Variants in LITAF observed in about 807,000 individuals in gnomAD.
LITAF encodes the protein lipopolysaccharide induced TNF factor.
Under a neutral mutation model 14.5 loss-of-function variants are expected in LITAF, and 9 were observed. The observed-to-expected ratio is 0.62, with a 90% CI of 0.37 to 1.08. The LOEUF (loss-of-function observed/expected upper bound fraction) is 1.08. Among genes scored for constraint, LITAF ranks in the 50% least tolerant of loss-of-function variants. The pLI is 0.01. For missense variants in LITAF, 206 were observed against 213.4 expected (o/e 0.97, Z 0.22); for synonymous variants, 98 against 88.2 (o/e 1.11, Z -0.62).
At chr16:11,582,685 A>G (rs2064756549) in intron 1 of LITAF, among the ~76,000 whole-genome samples, 1 of 152,220 alleles carries the variant, frequency 6.6e-6, no homozygotes, top group African/African-American at 2.4e-5. Flanking sequence ...GCAAATTGTC[A>G]GGTCCCCTAA....
intron 1 of LITAF, among the ~76,000 whole-genome samples, chr16:11,566,343 G>A (rs2064450615): frequency 6.6e-6 from 1 of 152,154 alleles, no homozygotes; most frequent in Non-Finnish European, 1.5e-5. Flanking sequence ...CAGGACTTTT[G>A]GTGCTAAATC....
intron 3 of LITAF, among the ~76,000 whole-genome samples, chr16:11,620,399 A>G (rs776921267): frequency 6.6e-6 from 1 of 151,958 alleles, no homozygotes; most frequent in Non-Finnish European, 1.5e-5. Context: ...TCGCCGTGGG[A>G]CATGCCTGTT....
chr16:11,622,773 G>A (rs1030767010), intron 3 of LITAF, among the ~76,000 whole-genome samples: 1 of 152,052 alleles, frequency 6.6e-6, no homozygotes, highest in Non-Finnish European at 1.5e-5. Context: ...ACCCATGCCT[G>A]CTCTAAACTG....
chr16:11,575,031 G>T (rs2064608517), intron 1 of LITAF, among the ~76,000 whole-genome samples: 1 of 152,120 alleles, frequency 6.6e-6, no homozygotes, highest in Admixed American at 6.5e-5. Context: ...TCGAACTCCT[G>T]ACCTCAAGTG....
intron 3 of LITAF, chr16:11,551,919 AC>A (rs1205735878): frequency 2.5e-6 from 1 of 399,810 alleles, no homozygotes; most frequent in Non-Finnish European, 4.3e-6. Flanking sequence ...GAGGCAATGG[AC>A]TTTTTTTTTT....
chr16:11,604,098 G>C (rs12927069), intron 3 of LITAF, among the ~76,000 whole-genome samples: 55,845 of 152,036 alleles, frequency 0.37, 12,191 homozygotes, highest in Non-Finnish European at 0.48. Context: ...GGGAGGCTGA[G>C]GCAGGAGGAT....
intron 2 of LITAF, among the ~76,000 whole-genome samples, chr16:11,635,489 G>A (rs1157750473): frequency 6.6e-6 from 1 of 152,110 alleles, no homozygotes; most frequent in Non-Finnish European, 1.5e-5. Flanking sequence ...AGCCTTCCAC[G>A]TCCTTCAACA....
intron 1 of LITAF, among the ~76,000 whole-genome samples, chr16:11,579,150 T>C (rs1294391933): frequency 1.4e-5 from 2 of 146,610 alleles, no homozygotes; most frequent in African/African-American, 5.1e-5. Flanking sequence ...GATTGTGCCA[T>C]TGCACTGCAG....
chr16:11,589,639 T>TC (rs397776493), upstream of LITAF, among the ~76,000 whole-genome samples: 5 of 148,072 alleles, frequency 3.4e-5, no homozygotes, highest in African/African-American at 5.1e-5. Context: ...TTTTTTTTTT[T>TC]CGAGACAGGG....
intron 3 of LITAF, among the ~76,000 whole-genome samples, chr16:11,550,445 C>A (rs1452397827): frequency 6.6e-6 from 1 of 152,114 alleles, no homozygotes; most frequent in Admixed American, 6.6e-5. Flanking sequence ...GAGTTAATAT[C>A]TGTTGTTTTA....
At chr16:11,633,351 G>T (rs1203104584) in intron 3 of LITAF, among the ~76,000 whole-genome samples, 1 of 152,178 alleles carries the variant, frequency 6.6e-6, no homozygotes, top group Non-Finnish European at 1.5e-5. Context: ...AGAGGGGTTT[G>T]AACCAGAGCA....
intron 1 of LITAF, among the ~76,000 whole-genome samples, chr16:11,570,710 G>A (rs376423133): frequency 3.3e-5 from 5 of 152,228 alleles, no homozygotes; most frequent in South Asian, 2.1e-4. Context: ...AGAGGAGTTC[G>A]AGACCAGCCC....
chr16:11,625,507 C>T (rs1475688139), intron 3 of LITAF, among the ~76,000 whole-genome samples: 1 of 152,064 alleles, frequency 6.6e-6, no homozygotes, highest in Non-Finnish European at 1.5e-5. Flanking sequence ...AAGCAATCTG[C>T]CCATCTCCGC....
intron 3 of LITAF, among the ~76,000 whole-genome samples, chr16:11,552,370 G>A (rs78920217): frequency 0.067 from 9,943 of 147,892 alleles, 517 homozygotes; most frequent in African/African-American, 0.15. Flanking sequence ...CTTTGGTGCA[G>A]ACATAAAATT....
At chr16:11,637,721 A>G (rs1010380367), upstream of LITAF, among the ~76,000 whole-genome samples, 2 of 151,466 alleles carry the variant, frequency 1.3e-5, no homozygotes, top group African/African-American at 4.9e-5. Context: ...GTCTCCACAA[A>G]AAATTTAAAA....
chr16:11,553,023 G>C lies in LITAF; in HGVS notation c.377+510C>G, dbSNP rs1213556783. On this transcript the variant is annotated intron_variant, in intron 3 of 3. Coordinates refer to ENST00000622633, the MANE Select transcript of LITAF (RefSeq NM_001136472.2). The surrounding 1 kb of genome is among the most constrained non-coding windows in gnomAD (Gnocchi z 7.7). ...CCAGCTACTCAGGAGGCTGAGGCAGGAGAATAGCTTGAACCTGGGAGGCGG... is the reference window on the plus strand; with the variant it reads ...CCAGCTACTCAGGAGGCTGAGGCAGCAGAATAGCTTGAACCTGGGAGGCGG... Among the ~76,000 whole-genome samples, 2 of 152,178 alleles carry C rather than the reference G, an allele frequency of 1.3e-5. No individual in the cohort carries two copies. Among genetic ancestry groups the C allele is most frequent in the Non-Finnish European group, 2.9e-5 (2 of 68,022 alleles).
intron 3 of LITAF, among the ~76,000 whole-genome samples, chr16:11,613,689 T>G (rs1006183342): frequency 1.3e-5 from 2 of 152,134 alleles, no homozygotes; most frequent in African/African-American, 4.8e-5. Flanking sequence ...GCAGGAAAGG[T>G]GTCCTTACAG....
At chr16:11,554,405 G>A (rs1045221294) in intron 2 of LITAF, among the ~76,000 whole-genome samples, 2 of 152,172 alleles carry the variant, frequency 1.3e-5, no homozygotes, top group African/African-American at 4.8e-5. Flanking sequence ...CTAGTGAACT[G>A]TGTTGATACA....
upstream of LITAF, among the ~76,000 whole-genome samples, chr16:11,599,361 A>G (rs2064913791): frequency 6.6e-6 from 1 of 151,966 alleles, no homozygotes; most frequent in Non-Finnish European, 1.5e-5. Context: ...CAGATGATCC[A>G]CCCACCTCGG....
Sources: gnomAD v4.1 joint callset for allele counts (sites outside exome capture counted in the v4.1 genomes callset) on GRCh38, gnomAD v4.1.1 for gene constraint, Gnocchi (gnomAD v3.1) non-coding constraint, MANE v1.5 for transcripts, NCBI Gene and HGNC (gene_info 2026-07-23, HGNC 2026-07-21) for gene names.